Variants in SUSD6 observed in about 807,000 individuals in gnomAD.
SUSD6 encodes the protein sushi domain-containing protein 6.
SUSD6 carries 16 observed loss-of-function variants against 28.4 expected under a neutral mutation model. The observed-to-expected ratio is 0.56, with a 90% CI of 0.38 to 0.86. The LOEUF is 0.86. SUSD6 is among the 40% of genes least tolerant of loss of function. SUSD6 has a pLI of 0.00. For synonymous variants in SUSD6, 147 were observed against 159.6 expected (o/e 0.92, Z 0.59); for missense variants, 341 against 384.2 (o/e 0.89, Z 0.94).
At chr14:69,710,282 A>G (rs1004801867) in intron 5 of SUSD6, among the ~76,000 whole-genome samples, 3 of 152,210 alleles carry the variant, frequency 2.0e-5, no homozygotes, top group Admixed American at 6.5e-5. Context: ...TTGAGAGGCC[A>G]TCTTGTGCCT....
chr14:69,699,826 AGG>A (rs1886288471), intron 2 of SUSD6, among the ~76,000 whole-genome samples: 2 of 152,002 alleles, frequency 1.3e-5, no homozygotes, highest in African/African-American at 2.4e-5. Context: ...CTGCACAGAG[AGG>A]GGTCCCAGAG....
chr14:69,692,546 C>T (rs776315836), intron 2 of SUSD6, among the ~76,000 whole-genome samples: 1 of 152,172 alleles, frequency 6.6e-6, no homozygotes, highest in Admixed American at 6.5e-5. Flanking sequence ...AATAGGATAA[C>T]ACTTTTAAAG....
At chr14:69,705,864 C>T (rs1018628503) in intron 4 of SUSD6, among the ~76,000 whole-genome samples, 4 of 152,304 alleles carry the variant, frequency 2.6e-5, no homozygotes, top group South Asian at 2.1e-4. Flanking sequence ...AGTGGATTCC[C>T]GATGATGGAC....
At chr14:69,667,867 A>G (rs1174099095) in intron 2 of SUSD6, among the ~76,000 whole-genome samples, 1 of 152,018 alleles carries the variant, frequency 6.6e-6, no homozygotes, top group African/African-American at 2.4e-5. Context: ...TTGATTCCAT[A>G]TGTGTTTGCA....
intron 2 of SUSD6, among the ~76,000 whole-genome samples, chr14:69,674,579 C>A (rs1315697593): frequency 6.6e-6 from 1 of 152,150 alleles, no homozygotes; most frequent in Non-Finnish European, 1.5e-5. Context: ...ACTCTTCCTC[C>A]TTGTCTCTTC....
intron 1 of SUSD6, among the ~76,000 whole-genome samples, chr14:69,616,018 GTTTTA>G (rs1402383914): frequency 1.3e-5 from 2 of 152,260 alleles, no homozygotes; most frequent in Admixed American, 6.5e-5. Flanking sequence ...ATACACAAGT[GTTTTA>G]TTTTATTTTA....
Position 69,712,315 on chromosome 14 carries a change from C to T in SUSD6, c.*1336C>T, listed in dbSNP as rs1886475493. 1 of 152,380 alleles carries T rather than the reference C, an allele frequency of 6.6e-6. No homozygotes were observed. The highest frequency in any genetic ancestry group is 1.5e-5 in the Non-Finnish European group (1 of 68,234). The allele number at this position is 152,380 out of a possible 1,614,324, so 9.4% of individuals were successfully genotyped here. A position where few individuals can be genotyped will look rare whatever the true frequency, so the allele number is the denominator to read the frequency against. On this transcript the variant is annotated 3_prime_UTR_variant, in exon 6 of 6. Transcript: ENST00000342745. ...AGGTGGGCAGAGGGGTGTGGAGCAGCCTGGAGTACAGGGCCCTGGGGGAGG... is the reference window on the plus strand; with the variant it reads ...AGGTGGGCAGAGGGGTGTGGAGCAGTCTGGAGTACAGGGCCCTGGGGGAGG...
chr14:69,669,866 G>T (rs1338360378), intron 2 of SUSD6, among the ~76,000 whole-genome samples: 1 of 151,570 alleles, frequency 6.6e-6, no homozygotes, highest in African/African-American at 2.4e-5. Context: ...CTCTTGGGAG[G>T]ATGTCAGACA....
intron 3 of SUSD6, among the ~76,000 whole-genome samples, chr14:69,704,034 G>T (rs145084484): frequency 1.3e-3 from 199 of 152,292 alleles, no homozygotes; most frequent in Middle Eastern, 6.8e-3. Context: ...CCACCTGCTT[G>T]CAGGAAAGTG....
intron 2 of SUSD6, among the ~76,000 whole-genome samples, chr14:69,671,637 G>T (rs1425032469): frequency 6.6e-6 from 1 of 152,160 alleles, no homozygotes; most frequent in Admixed American, 6.5e-5. Context: ...GGAGCAGCTG[G>T]CGTCTGGGCC....
chr14:69,611,932 G>T (rs2139584816), intron 1 of SUSD6, 104 bp downstream of exon 1: 1 of 151,148 alleles, frequency 6.6e-6, no homozygotes, highest in East Asian at 1.9e-4. Flanking sequence ...GCCCAGGAGT[G>T]ACGCTGGCCG....
chr14:69,630,516 G>T (rs1208917430), intron 1 of SUSD6, among the ~76,000 whole-genome samples: 1 of 152,168 alleles, frequency 6.6e-6, no homozygotes, highest in Admixed American at 6.5e-5. Flanking sequence ...CAAGGAGGAA[G>T]GACAGAATTG....
At chr14:69,627,483 A>T (rs1020830403) in intron 1 of SUSD6, among the ~76,000 whole-genome samples, 5 of 151,898 alleles carry the variant, frequency 3.3e-5, no homozygotes, top group Non-Finnish European at 5.9e-5. Flanking sequence ...TTATTTATTT[A>T]TTTTTTCTTT....
chr14:69,658,550 A>T lies in SUSD6; in HGVS notation c.-43A>T. On this transcript the variant is annotated 5_prime_UTR_variant, in exon 2 of 6. Coordinates refer to ENST00000342745, the MANE Select transcript of SUSD6 (RefSeq NM_014734.4). ...CCGGCCGACTTTAGGATTCTTCTGG[A>T]TTTTAAATTTTTTCTTTTTAAAAAA... The T allele has an allele frequency of 6.2e-7, 1 of 1,609,888 alleles. No homozygotes were observed. Among genetic ancestry groups the T allele is most frequent in the South Asian group, 1.1e-5 (1 of 90,698 alleles).
In SUSD6 at chr14:69,711,224, CAG is replaced by C; in HGVS notation, c.*249_*250del. The C allele has an allele frequency of 1.7e-6, 1 of 571,806 alleles. No individual in the cohort carries two copies. The highest frequency in any genetic ancestry group is 3.1e-6 in the Non-Finnish European group (1 of 319,960). 35.4% of individuals were successfully genotyped at this position (571,806 alleles called of 1,614,324 possible). ...TGCCTGGCCCCGCCTTCCCATCTGT[CAG>C]AGACATATTTGAATGTGCTGGATCA... is the stretch of plus-strand genomic sequence containing the variant. On this transcript the variant is annotated 3_prime_UTR_variant, in exon 6 of 6. Coordinates refer to ENST00000342745, the MANE Select transcript of SUSD6 (RefSeq NM_014734.4).
rs1886459723 is a variant in SUSD6, at chr14:69,711,293, C to G, written c.*314C>G. 1 of 416,342 alleles carries G rather than the reference C, an allele frequency of 2.4e-6. No individual in the cohort carries two copies. The highest frequency in any genetic ancestry group is 3.9e-5 in the Admixed American group (1 of 25,402). 25.8% of individuals were successfully genotyped at this position (416,342 alleles called of 1,614,324 possible). On this transcript the variant is annotated 3_prime_UTR_variant, in exon 6 of 6. Coordinates refer to ENST00000342745, the MANE Select transcript of SUSD6 (RefSeq NM_014734.4). ...AAGCCTCTGGGTCCCCTCCAGCCAG[C>G]TCTTTGGCGGCAGCCCCCACCAGCT...
chr14:69,683,598 G>C (rs1886029370), intron 2 of SUSD6, among the ~76,000 whole-genome samples: 1 of 152,164 alleles, frequency 6.6e-6, no homozygotes, highest in South Asian at 2.1e-4. Flanking sequence ...AGGCTGAGCT[G>C]AGGCCATGAT....
intron 2 of SUSD6, among the ~76,000 whole-genome samples, chr14:69,675,038 T>C (rs1595051271): frequency 1.3e-5 from 2 of 151,872 alleles, no homozygotes; most frequent in South Asian, 2.1e-4. Flanking sequence ...GTTTCTCATT[T>C]CCCCCCCACC....
chr14:69,654,390 A>G (rs1885547781), intron 1 of SUSD6, among the ~76,000 whole-genome samples: 1 of 152,194 alleles, frequency 6.6e-6, no homozygotes, highest in South Asian at 2.1e-4. Flanking sequence ...ACAAATAGAT[A>G]CAATAACCTG....
Sources: allele counts gnomAD v4.1 joint callset (sites outside exome capture counted in the v4.1 genomes callset), GRCh38; gene constraint gnomAD v4.1.1; transcripts MANE v1.5; gene names NCBI Gene and HGNC (gene_info 2026-07-23, HGNC 2026-07-21).